PPP2R2C: variants seen among roughly 807,000 people sequenced by gnomAD.
PPP2R2C encodes the protein protein phosphatase 2, regulatory subunit B, gamma.
In PPP2R2C, 10 loss-of-function variants were observed where a neutral mutation model predicts 45.3. The observed-to-expected ratio is 0.22, with a 90% confidence interval of 0.14 to 0.37. The LOEUF is 0.37. Among genes scored for constraint, PPP2R2C ranks in the 10% least tolerant of loss-of-function variants. The pLI, the probability that PPP2R2C is intolerant of heterozygous loss-of-function variation, is 1.00. For missense variants in PPP2R2C, 308 were observed against 619.7 expected (o/e 0.50, Z 5.34); for synonymous variants, 257 against 245.4 (o/e 1.05, Z -0.44).
intron 2 of PPP2R2C, among the ~76,000 whole-genome samples, chr4:6,528,045 G>C (rs1724274187): frequency 6.6e-6 from 1 of 152,252 alleles, no homozygotes; most frequent in South Asian, 2.1e-4. Flanking sequence ...TCAGGACGGT[G>C]AGCGCAGAGC....
chr4:6,454,913 C>T (rs939271519), intron 1 of PPP2R2C, among the ~76,000 whole-genome samples: 6 of 152,334 alleles, frequency 3.9e-5, no homozygotes, highest in East Asian at 1.9e-4. Context: ...TCACCATCAT[C>T]GCTATTATTT....
At chr4:6,450,045 G>A (rs964195990) in intron 1 of PPP2R2C, among the ~76,000 whole-genome samples, 6 of 152,200 alleles carry the variant, frequency 3.9e-5, no homozygotes, top group East Asian at 1.9e-4. Flanking sequence ...ATAGCTTTGC[G>A]GGTTGCAGTT....
intron 1 of PPP2R2C, among the ~76,000 whole-genome samples, chr4:6,410,201 G>C (rs1718069535): frequency 6.6e-6 from 1 of 152,216 alleles, no homozygotes; most frequent in Non-Finnish European, 1.5e-5. Flanking sequence ...AGTGTGAGCT[G>C]TGATTATACC....
At chr4:6,337,548 AC>A (rs1733075339) in intron 6 of PPP2R2C, among the ~76,000 whole-genome samples, 1 of 151,942 alleles carries the variant, frequency 6.6e-6, no homozygotes, top group South Asian at 2.1e-4. Flanking sequence ...TGGCCTTAGT[AC>A]CCCCTCGCCT....
chr4:6,471,319 C>T lies in PPP2R2C; in HGVS notation c.70+841G>A, dbSNP rs1156901220. ...CTCCATCGGGGTCACTCCGCGGGCC[C>T]TGCCTGCGCACGGAAGCTGTCCCCA... On this transcript the variant is annotated intron_variant, in intron 1 of 8. Coordinates refer to ENST00000382599, the MANE Select transcript of PPP2R2C (RefSeq NM_020416.4). This position sits in a 1 kb window ranked among gnomAD's most constrained non-coding sequence, Gnocchi z 5.6. 2.0e-5 allele frequency among the ~76,000 whole-genome samples: 3 copies of T among 152,186 alleles called. No homozygotes were observed. Among genetic ancestry groups the T allele is most frequent in the African/African-American group, 7.2e-5 (3 of 41,450 alleles).
chr4:6,373,604 G>A (rs1176984993), intron 4 of PPP2R2C, among the ~76,000 whole-genome samples: 2 of 152,222 alleles, frequency 1.3e-5, no homozygotes, highest in Non-Finnish European at 2.9e-5. Context: ...CTAGCAGAGA[G>A]ACTCTCCAGT....
intron 2 of PPP2R2C, among the ~76,000 whole-genome samples, chr4:6,480,277 G>A (rs2108777882): frequency 6.6e-6 from 1 of 152,194 alleles, no homozygotes; most frequent in African/African-American, 2.4e-5. Flanking sequence ...TATGTTTTCA[G>A]CTCTACCCTA....
chr4:6,488,794 G>A (rs75924062), intron 2 of PPP2R2C, among the ~76,000 whole-genome samples: 4,529 of 51,506 alleles, frequency 0.088, 231 homozygotes, highest in African/African-American at 0.22. Flanking sequence ...TCCTACTGAG[G>A]CAAGACTTTC....
chr4:6,548,225 AAAGAAGAAGAAG>A (rs60462800), intron 1 of PPP2R2C, among the ~76,000 whole-genome samples: 2 of 151,124 alleles, frequency 1.3e-5, no homozygotes, highest in African/African-American at 4.9e-5. Context: ...CTTAAAAGAA[AAAGAAGAAGAAG>A]AAGAAGAAGA....
chr4:6,535,315 C>G (rs756238396), exon 2 of PPP2R2C: 7 of 1,535,282 alleles, frequency 4.6e-6, no homozygotes, highest in Non-Finnish European at 6.1e-6. Context: ...GTCCGCCTCA[C>G]GCATCCTGAG....
At chr4:6,486,771 T>C (rs922937406) in intron 2 of PPP2R2C, among the ~76,000 whole-genome samples, 1 of 152,114 alleles carries the variant, frequency 6.6e-6, no homozygotes, top group Non-Finnish European at 1.5e-5. Flanking sequence ...AGGCAGCATA[T>C]ATTTGGGTCT....
intron 2 of PPP2R2C, among the ~76,000 whole-genome samples, chr4:6,512,784 A>C (rs540250635): frequency 6.6e-6 from 1 of 151,966 alleles, no homozygotes; most frequent in African/African-American, 2.4e-5. Context: ...ACAATGATAT[A>C]ATGTACATAA....
At chr4:6,450,891 C>A (rs116257805) in intron 1 of PPP2R2C, among the ~76,000 whole-genome samples, 1 of 152,136 alleles carries the variant, frequency 6.6e-6, no homozygotes, top group Non-Finnish European at 1.5e-5. Flanking sequence ...AGCCGCTGTG[C>A]CCTTCCCACA....
At chr4:6,497,969 A>G (rs529196502) in intron 2 of PPP2R2C, among the ~76,000 whole-genome samples, 9 of 152,384 alleles carry the variant, frequency 5.9e-5, no homozygotes, top group African/African-American at 1.9e-4. Flanking sequence ...GCGAATGTGG[A>G]GAGCTGGCGA....
chr4:6,559,896 A>G (rs969473350), intron 1 of PPP2R2C, among the ~76,000 whole-genome samples: 1 of 152,228 alleles, frequency 6.6e-6, no homozygotes, highest in Non-Finnish European at 1.5e-5. Context: ...CGGCAGCCCC[A>G]ACGGACTAAG....
intron 5 of PPP2R2C, among the ~76,000 whole-genome samples, chr4:6,357,906 C>T (rs1400049205): frequency 6.6e-6 from 1 of 152,138 alleles, no homozygotes; most frequent in Non-Finnish European, 1.5e-5. Context: ...AGTCCTCGGG[C>T]ATGCAGAGGT....
At chr4:6,453,964 C>T (rs902886104) in intron 1 of PPP2R2C, among the ~76,000 whole-genome samples, 3 of 152,358 alleles carry the variant, frequency 2.0e-5, no homozygotes, top group Middle Eastern at 3.4e-3. Flanking sequence ...CACCGGTCTG[C>T]CTCACATCTA....
rs1189135199 is a variant in PPP2R2C, at chr4:6,368,529, T to G, written c.625+3994A>C. 6.6e-6 allele frequency among the ~76,000 whole-genome samples: 1 copy of G among 152,124 alleles called. No homozygotes were observed. The highest frequency in any genetic ancestry group is 2.4e-5 in the African/African-American group (1 of 41,412). On this transcript the variant is annotated intron_variant, in intron 5 of 8. Coordinates refer to ENST00000382599, the MANE Select transcript of PPP2R2C (RefSeq NM_020416.4). This position sits in a 1 kb window ranked among gnomAD's most constrained non-coding sequence, Gnocchi z 4.2. ...TGCGGACAGGGCACAATCTGTGTGT[T>G]CGGGACGGGACAGGAGGCAAGGCTC... is the stretch of plus-strand genomic sequence containing the variant.
chr4:6,530,234 T>C (rs1191128302), intron 2 of PPP2R2C, among the ~76,000 whole-genome samples: 1 of 152,180 alleles, frequency 6.6e-6, no homozygotes, highest in Non-Finnish European at 1.5e-5. Flanking sequence ...CACCCACTTG[T>C]AACTGCATCT....
Sources: allele counts gnomAD v4.1 joint callset (sites outside exome capture counted in the v4.1 genomes callset), GRCh38; gene constraint gnomAD v4.1.1; non-coding constraint Gnocchi (gnomAD v3.1); transcripts MANE v1.5; gene names NCBI Gene and HGNC (gene_info 2026-07-23, HGNC 2026-07-21).